The following TRAPPC9 variants were observed in gnomAD, a reference collection of about 807,000 sequenced individuals.
The protein encoded by TRAPPC9 is trafficking protein particle complex subunit 9.
A neutral mutation model predicts 124.0 loss-of-function variants in TRAPPC9; 83 were observed. The ratio of observed to expected loss-of-function variants is 0.67; its 90% CI spans 0.56 to 0.80. The LOEUF is 0.80. Among genes scored for constraint, TRAPPC9 ranks in the 30% least tolerant of loss-of-function variants. The pLI is 0.00. For missense variants in TRAPPC9, 1,302 were observed against 1,508.3 expected, an observed-to-expected ratio of 0.86 and a Z score of 2.27; for synonymous variants, 638 against 617.5, an observed-to-expected ratio of 1.03 and a Z score of -0.49.
At chr8:140,065,712 C>T (rs1842865655) in intron 17 of TRAPPC9, among the ~76,000 whole-genome samples, 1 of 152,160 alleles carries the variant, frequency 6.6e-6, no homozygotes, top group African/African-American at 2.4e-5. Context: ...CTGTTGAAAC[C>T]TACTGCTTAG....
chr8:140,255,432 T>C (rs191794678), intron 15 of TRAPPC9, among the ~76,000 whole-genome samples: 192 of 152,348 alleles, frequency 1.3e-3, no homozygotes, highest in Middle Eastern at 3.4e-3. Context: ...TTGGATGGTG[T>C]TCAGATGCTT....
chr8:139,940,301 A>T (rs929404819), intron 19 of TRAPPC9, among the ~76,000 whole-genome samples: 1 of 152,240 alleles, frequency 6.6e-6, no homozygotes, highest in Non-Finnish European at 1.5e-5. Flanking sequence ...ATTACTAGAC[A>T]GAGAAACAGG....
At chr8:139,791,120 C>T (rs542700269) in intron 21 of TRAPPC9, among the ~76,000 whole-genome samples, 4 of 152,246 alleles carry the variant, frequency 2.6e-5, no homozygotes, top group East Asian at 1.9e-4. Context: ...AAGGAAGGCA[C>T]GGGGCTCCCA....
At chr8:140,389,285 T>C (rs1179860412) in intron 7 of TRAPPC9, among the ~76,000 whole-genome samples, 1 of 152,184 alleles carries the variant, frequency 6.6e-6, no homozygotes, top group Non-Finnish European at 1.5e-5. Context: ...GGCATATAAG[T>C]GTTCATTGAA....
intron 19 of TRAPPC9, among the ~76,000 whole-genome samples, chr8:139,947,009 A>G (rs1199554039): frequency 6.6e-6 from 1 of 151,834 alleles, no homozygotes; most frequent in African/African-American, 2.4e-5. Context: ...AAAACAAAAA[A>G]CCAAAAAAGG....
At chr8:140,144,192 CT>C (rs2130789247) in intron 17 of TRAPPC9, among the ~76,000 whole-genome samples, 1 of 152,320 alleles carries the variant, frequency 6.6e-6, no homozygotes, top group Non-Finnish European at 1.5e-5. Flanking sequence ...TATATGAATT[CT>C]AACATTTACT....
At chr8:139,745,596 C>T (rs1818833985) in intron 21 of TRAPPC9, among the ~76,000 whole-genome samples, 1 of 152,142 alleles carries the variant, frequency 6.6e-6, no homozygotes, top group African/African-American at 2.4e-5. Flanking sequence ...CCAGGTCGTC[C>T]TAGCAGGGGC....
intron 21 of TRAPPC9, among the ~76,000 whole-genome samples, chr8:139,883,508 T>C (rs1266638455): frequency 6.6e-6 from 1 of 152,248 alleles, no homozygotes; most frequent in African/African-American, 2.4e-5. Flanking sequence ...CGTGTGCAGC[T>C]TCCAGGCTGT....
chr8:140,009,699 G>T (rs1410027087), intron 18 of TRAPPC9, among the ~76,000 whole-genome samples: 1 of 152,220 alleles, frequency 6.6e-6, no homozygotes, highest in Admixed American at 6.5e-5. Context: ...CCCGCCCGTG[G>T]CGCAACAGCA....
intron 18 of TRAPPC9, 124 bp downstream of exon 18, chr8:140,023,813 G>T: frequency 6.9e-7 from 1 of 1,448,170 alleles, no homozygotes; most frequent in Non-Finnish European, 9.7e-7. Context: ...GAGAGGCTCA[G>T]CAACTTGGCC....
chr8:140,090,570 C>T (rs1844499019), intron 17 of TRAPPC9, among the ~76,000 whole-genome samples: 2 of 152,262 alleles, frequency 1.3e-5, no homozygotes, highest in South Asian at 4.1e-4. Flanking sequence ...GGGGTTGGAG[C>T]TAATCCATAA....
intron 17 of TRAPPC9, among the ~76,000 whole-genome samples, chr8:140,184,500 A>G (rs10098713): frequency 0.014 from 2,094 of 152,172 alleles, 60 homozygotes; most frequent in African/African-American, 0.047. Context: ...CAGTGCCACA[A>G]CCTCGGCTCA....
At chr8:139,928,436 G>A (rs1226598743) in intron 19 of TRAPPC9, among the ~76,000 whole-genome samples, 1 of 151,930 alleles carries the variant, frequency 6.6e-6, no homozygotes, top group Non-Finnish European at 1.5e-5. Context: ...AGGTTGCAGT[G>A]AGCCAAGATG....
chr8:140,095,953 C>T (rs1243936583), intron 17 of TRAPPC9: 1 of 152,212 alleles, frequency 6.6e-6, no homozygotes, highest in African/African-American at 2.4e-5. Flanking sequence ...TGGACAACTT[C>T]CTTCATTTTG....
intron 17 of TRAPPC9, among the ~76,000 whole-genome samples, chr8:140,030,405 T>A (rs1336922836): frequency 6.6e-6 from 1 of 152,206 alleles, no homozygotes; most frequent in East Asian, 1.9e-4. Context: ...TCTCAGAAAT[T>A]GCTGGTGGCA....
chr8:139,987,958 C>T (rs1468760818), intron 19 of TRAPPC9, among the ~76,000 whole-genome samples: 1 of 152,184 alleles, frequency 6.6e-6, no homozygotes, highest in East Asian at 1.9e-4. Flanking sequence ...GGTAGTGCGG[C>T]CTCTCTTTGC....
chr8:139,970,301 C>A (rs962206156), intron 19 of TRAPPC9, among the ~76,000 whole-genome samples: 1 of 152,220 alleles, frequency 6.6e-6, no homozygotes, highest in African/African-American at 2.4e-5. Context: ...CTGCAGAACT[C>A]GGTCCCCAGT....
intron 21 of TRAPPC9, among the ~76,000 whole-genome samples, chr8:139,815,677 ACAGCGCCCGGCAAG>A (rs1488133069): frequency 6.6e-6 from 1 of 152,172 alleles, no homozygotes; most frequent in Non-Finnish European, 1.5e-5. Context: ...GGCGTGAGCC[ACAGCGCCCGGCAAG>A]CACTCACTAA....
intron 17 of TRAPPC9, among the ~76,000 whole-genome samples, chr8:140,115,557 G>A (rs1332025193): frequency 5.9e-5 from 9 of 152,052 alleles, no homozygotes; most frequent in Non-Finnish European, 1.0e-4. Context: ...ATGAGCCACC[G>A]CACCTGGCCA....
Sources: gnomAD v4.1 joint callset for allele counts (sites outside exome capture counted in the v4.1 genomes callset) on GRCh38, gnomAD v4.1.1 for gene constraint, MANE v1.5 for transcripts, NCBI Gene and HGNC (gene_info 2026-07-23, HGNC 2026-07-21) for gene names.